Variants in FHIT observed in about 807,000 individuals in gnomAD.
The protein encoded by FHIT is fragile histidine triad diadenosine triphosphatase.
In FHIT, 19 loss-of-function variants were observed where a neutral mutation model predicts 17.9. The observed-to-expected ratio is 1.06, with a 90% CI of 0.74 to 1.56. FHIT has a LOEUF of 1.56. FHIT is among the 40% of genes most tolerant of loss of function. The probability of loss-of-function intolerance (pLI) is 0.00; values close to 1 mark genes in which losing one functional copy is unlikely to be tolerated. For missense variants in FHIT, 248 were observed against 189.2 expected (o/e 1.31, Z -1.82); for synonymous variants, 81 against 69.7 (o/e 1.16, Z -0.81).
intron 2 of FHIT, among the ~76,000 whole-genome samples, chr3:61,177,389 T>C (rs2038193327): frequency 6.6e-6 from 1 of 152,132 alleles, no homozygotes; most frequent in Admixed American, 6.5e-5. Context: ...GTTTATACTC[T>C]CCACTGCGCA....
intron 7 of FHIT, among the ~76,000 whole-genome samples, chr3:59,935,727 G>T (rs1706203359): frequency 1.3e-5 from 2 of 151,822 alleles, no homozygotes; most frequent in African/African-American, 4.8e-5. Flanking sequence ...GGATGGGTGG[G>T]TAGCTAGGTA....
At chr3:60,131,082 C>CATATATACACATATGT (rs1559661707) in intron 5 of FHIT, among the ~76,000 whole-genome samples, 9 of 49,328 alleles carry the variant, frequency 1.8e-4, no homozygotes, top group African/African-American at 1.1e-3. Flanking sequence ...TATGTATACA[C>CATATATACACATATGT]ATATATACAC....
chr3:60,894,455 A>G (rs1553761444), intron 3 of FHIT, among the ~76,000 whole-genome samples: 3 of 152,102 alleles, frequency 2.0e-5, no homozygotes, highest in Admixed American at 6.5e-5. Flanking sequence ...CCAGGATCCA[A>G]TTTCACAGCA....
intron 5 of FHIT, among the ~76,000 whole-genome samples, chr3:60,131,163 G>A (rs1699581730): frequency 3.3e-5 from 2 of 59,792 alleles, no homozygotes; most frequent in African/African-American, 1.3e-4. Context: ...AAAATTAGCA[G>A]TTGCTCAATT....
chr3:60,401,126 G>T (rs1701640996), intron 5 of FHIT, among the ~76,000 whole-genome samples: 3 of 152,050 alleles, frequency 2.0e-5, no homozygotes, highest in Admixed American at 1.3e-4. Flanking sequence ...CATGACTAAA[G>T]ACATTATCTA....
At chr3:60,312,763 T>C (rs1166780619) in intron 5 of FHIT, among the ~76,000 whole-genome samples, 1 of 152,206 alleles carries the variant, frequency 6.6e-6, no homozygotes, top group Non-Finnish European at 1.5e-5. Flanking sequence ...GTAGGTACTA[T>C]GTATATACAT....
At chr3:59,777,407 C>T (rs1702379614) in intron 8 of FHIT, among the ~76,000 whole-genome samples, 1 of 152,058 alleles carries the variant, frequency 6.6e-6, no homozygotes, top group Non-Finnish European at 1.5e-5. Flanking sequence ...TGTAACTCTC[C>T]TACCCTACTT....
chr3:60,135,604 G>C (rs1699784998), intron 5 of FHIT, among the ~76,000 whole-genome samples: 1 of 152,044 alleles, frequency 6.6e-6, no homozygotes, highest in African/African-American at 2.4e-5. Context: ...TAACCCGACT[G>C]ACTTATTTGT....
intron 2 of FHIT, among the ~76,000 whole-genome samples, chr3:61,137,816 C>G (rs1365376713): frequency 6.6e-6 from 1 of 152,218 alleles, no homozygotes; most frequent in Non-Finnish European, 1.5e-5. Flanking sequence ...CAGCTACTCT[C>G]TTAGTCAATC....
intron 7 of FHIT, among the ~76,000 whole-genome samples, chr3:59,974,761 C>A (rs553811376): frequency 6.6e-6 from 1 of 151,980 alleles, no homozygotes; most frequent in Non-Finnish European, 1.5e-5. Flanking sequence ...TGTGTGAATT[C>A]CAGTTTCATG....
intron 5 of FHIT, among the ~76,000 whole-genome samples, chr3:60,230,119 T>C (rs1704419763): frequency 6.6e-6 from 1 of 152,212 alleles, no homozygotes; most frequent in South Asian, 2.1e-4. Flanking sequence ...TATATTAAAA[T>C]TGAATAACGT....
chr3:60,454,938 T>A (rs12637710), intron 5 of FHIT, among the ~76,000 whole-genome samples: 10,076 of 152,040 alleles, frequency 0.066, 789 homozygotes, highest in East Asian at 0.38. Flanking sequence ...AAGTTTAATA[T>A]TACCATAATA....
intron 5 of FHIT, among the ~76,000 whole-genome samples, chr3:60,212,250 C>T (rs1327561296): frequency 6.6e-6 from 1 of 152,188 alleles, no homozygotes; most frequent in Non-Finnish European, 1.5e-5. Context: ...CAAGGACTGG[C>T]TCCAGTCACA....
chr3:60,539,012 G>A lies in FHIT; in HGVS notation c.-17-2033C>T, dbSNP rs2036087159. ...CATCAGAGTGAACAGGCAACCTACA[G>A]AATGGGAGAAAATTTTTGCAATCTA... On this transcript the variant is annotated intron_variant, in intron 4 of 9. Coordinates refer to ENST00000492590, the MANE Select transcript of FHIT (RefSeq NM_002012.4). 2.6e-5 allele frequency among the ~76,000 whole-genome samples: 4 copies of A among 152,020 alleles called. No homozygotes were observed. In the South Asian group the frequency reaches 6.2e-4, roughly 24 times the overall value.
chr3:61,185,717 A>T (rs537029868), intron 2 of FHIT, among the ~76,000 whole-genome samples: 1 of 152,312 alleles, frequency 6.6e-6, no homozygotes, highest in East Asian at 1.9e-4. Flanking sequence ...CCATTTTCTT[A>T]AAATACATGC....
intron 3 of FHIT, among the ~76,000 whole-genome samples, chr3:60,891,191 T>C (rs1705500773): frequency 6.6e-6 from 1 of 152,290 alleles, no homozygotes; most frequent in East Asian, 1.9e-4. Flanking sequence ...TACTTTATAG[T>C]AGCTCTCTCT....
chr3:60,419,202 C>T (rs1702381068), intron 5 of FHIT, among the ~76,000 whole-genome samples: 1 of 152,164 alleles, frequency 6.6e-6, no homozygotes, highest in African/African-American at 2.4e-5. Context: ...GCTGTTTTCT[C>T]ATTTGCACAA....
At chr3:60,481,724 C>T (rs1183610202) in intron 5 of FHIT, among the ~76,000 whole-genome samples, 1 of 152,090 alleles carries the variant, frequency 6.6e-6, no homozygotes, top group Non-Finnish European at 1.5e-5. Context: ...CAAAAACACA[C>T]CAAAATATAA....
chr3:59,753,317 C>G (rs1307990051), intron 8 of FHIT, among the ~76,000 whole-genome samples: 15 of 152,142 alleles, frequency 9.9e-5, no homozygotes, highest in Admixed American at 9.2e-4. Flanking sequence ...CAATTTGTCT[C>G]AAAATTAACA....
Sources: gnomAD v4.1 joint callset for allele counts (sites outside exome capture counted in the v4.1 genomes callset) on GRCh38, gnomAD v4.1.1 for gene constraint, MANE v1.5 for transcripts, NCBI Gene and HGNC (gene_info 2026-07-23, HGNC 2026-07-21) for gene names.